RRP12: variants seen among roughly 807,000 people sequenced by gnomAD.
RRP12 encodes the protein RRP12-like protein.
A neutral mutation model predicts 157.3 loss-of-function variants in RRP12; 78 were observed. The observed-to-expected ratio is 0.50, with a 90% CI of 0.41 to 0.60. RRP12 has a LOEUF of 0.60. RRP12 is among the 20% of genes least tolerant of loss of function. The pLI is 0.00. For synonymous variants in RRP12, 726 were observed against 670.9 expected, an observed-to-expected ratio of 1.08 and a Z score of -1.27; for missense variants, 1,521 against 1,679.9, an observed-to-expected ratio of 0.91 and a Z score of 1.65.
rs1844147298 is a variant in RRP12, at chr10:97,371,287, C to T, written c.2344-206G>A. The stretch of plus-strand genomic sequence containing the variant: ...TGGGGGTGTGTGCCGTGGGGCCCAC[C>T]AATCCACTCCACTCACCCAGCTCTG... On this transcript the variant is annotated intron_variant, in intron 20 of 33. Transcript: ENST00000370992. 4.9e-6 allele frequency: 3 copies of T among 607,870 alleles called. No homozygotes were observed. The African/African-American group carries it at 5.6e-5, about 11-fold the overall frequency. The allele number at this position is 607,870 out of a possible 1,614,324, so 37.7% of individuals were successfully genotyped here.
At chr10:97,360,518 TC>T in intron 31 of RRP12, 27 bp downstream of exon 31, 1 of 1,563,606 alleles carries the variant, frequency 6.4e-7, no homozygotes, top group Non-Finnish European at 8.8e-7. Flanking sequence ...GATCCATGTG[TC>T]CCAGGAGAGA....
Position 97,371,007 on chromosome 10 carries a change from C to A in RRP12, c.2418G>T (p.Gly806=). ...CCAGGTGGCTCTGCACGAAGAGGGC[C>A]CCGGGGCCCTGAGGACTGGCACACA... The part of the protein sequence containing the change: ...EEVCASPQGP[G]ALFVQSHLED... The change falls in exon 21 of 34, where the codon GGG becomes GGT. Residue 806 remains glycine (G), a synonymous_variant. Transcript: ENST00000370992. 1.9e-6 allele frequency: 3 copies of A among 1,613,958 alleles called. No individual in the cohort carries two copies. Among genetic ancestry groups the A allele is most frequent in the Non-Finnish European group, 2.5e-6 (3 of 1,179,978 alleles).
intron 19 of RRP12, among the ~76,000 whole-genome samples, 188 bp downstream of exon 19, chr10:97,372,548 C>T (rs1224131930): frequency 1.3e-5 from 2 of 152,172 alleles, no homozygotes; most frequent in African/African-American, 4.8e-5. Flanking sequence ...CTTGTTCCTC[C>T]CTACCAGACT....
At chr10:97,398,353 CTT>C (rs58136206) in intron 2 of RRP12, among the ~76,000 whole-genome samples, 7 of 57,506 alleles carry the variant, frequency 1.2e-4, no homozygotes, top group East Asian at 4.0e-4. Context: ...CGCGCCCGGC[CTT>C]TTTTTTTTTT....
rs781216463 is a variant in RRP12, at chr10:97,357,207, A to C, written c.3792-11T>G. The C allele has an allele frequency of 3.0e-4, 461 of 1,549,856 alleles. No homozygotes were observed. The highest frequency in any genetic ancestry group is 3.9e-4 in the Non-Finnish European group (438 of 1,125,812). ...AGCTTCATCTTCTTCCTGCAGGGCC[A>C]AGGAACGGAAGGGTCACATCTGGCT... On this transcript the variant is annotated splice_polypyrimidine_tract_variant and intron_variant, in intron 33 of 33. Coordinates refer to ENST00000370992, the MANE Select transcript of RRP12 (RefSeq NM_015179.4).
At chr10:97,390,577 C>G (rs760040414) in intron 5 of RRP12, 38 bp from the exon 6 acceptor site, 1 of 1,534,474 alleles carries the variant, frequency 6.5e-7, no homozygotes, top group Admixed American at 1.7e-5. Context: ...CCACCAGCCT[C>G]GGCCAGGAGG....
chr10:97,399,526 CA>C (rs1318583358), intron 2 of RRP12, among the ~76,000 whole-genome samples: 1 of 151,298 alleles, frequency 6.6e-6, no homozygotes, highest in East Asian at 1.9e-4. Context: ...ATTTCAATAA[CA>C]AAAAATATAT....
intron 15 of RRP12, among the ~76,000 whole-genome samples, chr10:97,375,901 C>T (rs567959598): frequency 5.1e-4 from 77 of 152,172 alleles, no homozygotes; most frequent in African/African-American, 1.8e-3. Flanking sequence ...GTCAGGAGTC[C>T]GAGACCTGCC....
chr10:97,393,499 A>ATC, intron 4 of RRP12, 185 bp downstream of exon 4: 1 of 688,356 alleles, frequency 1.5e-6, no homozygotes, highest in Non-Finnish European at 2.6e-6. Context: ...TAGTTTAGTT[A>ATC]GAGTTTCTCA....
intron 31 of RRP12, 68 bp downstream of exon 31, chr10:97,360,478 G>A (rs1253358375): frequency 2.3e-6 from 3 of 1,320,038 alleles, no homozygotes; most frequent in Non-Finnish European, 3.3e-6. Flanking sequence ...ACCCCTTCCT[G>A]TGACTCCCCT....
chr10:97,362,001 G>T (rs1843855446), intron 30 of RRP12, among the ~76,000 whole-genome samples: 1 of 151,918 alleles, frequency 6.6e-6, no homozygotes, highest in South Asian at 2.1e-4. Flanking sequence ...CAGCTACTCA[G>T]GAGGCTGAGG....
intron 4 of RRP12, 132 bp from the exon 5 acceptor site, chr10:97,390,976 C>A: frequency 3.0e-6 from 2 of 675,462 alleles, no homozygotes; most frequent in Non-Finnish European, 5.4e-6. Flanking sequence ...GCAACAAAGT[C>A]AGAATAGGCA....
At position 97,378,292 on chromosome 10, in the gene RRP12, T is replaced by C. The variant is rs879649566; in HGVS notation, c.1798+1001A>G. Among the ~76,000 whole-genome samples, 3 of 152,122 alleles carry C rather than the reference T, an allele frequency of 2.0e-5. No individual in the cohort carries two copies. The East Asian group carries it at 5.8e-4, about 29-fold the overall frequency. On this transcript the variant is annotated intron_variant, in intron 15 of 33. Transcript: ENST00000370992. ...AGGTGATTTTATTGTGTGAGCAGCA[T>C]AGAGTGTATTTACAAAAACCTAGAT...
At chr10:97,395,205 T>TACAC (rs1377215101) in intron 3 of RRP12, among the ~76,000 whole-genome samples, 139 of 105,204 alleles carry the variant, frequency 1.3e-3, no homozygotes, top group African/African-American at 5.8e-3. Context: ...TATATACACA[T>TACAC]ATACACACAC....
At chr10:97,400,278 T>C in intron 2 of RRP12, 27 bp downstream of exon 2, 1 of 1,572,252 alleles carries the variant, frequency 6.4e-7, no homozygotes. Flanking sequence ...CTCACTATCC[T>C]ATGGCCCTCC....
intron 15 of RRP12, among the ~76,000 whole-genome samples, chr10:97,378,128 G>T (rs567033654): frequency 6.6e-6 from 1 of 152,166 alleles, no homozygotes; most frequent in Non-Finnish European, 1.5e-5. Flanking sequence ...AAGAAACTAT[G>T]CCTGAAAGGA....
chr10:97,399,227 C>T (rs1017315538), intron 2 of RRP12, among the ~76,000 whole-genome samples: 35 of 152,096 alleles, frequency 2.3e-4, no homozygotes, highest in African/African-American at 7.2e-4. Context: ...GAGCCGAGAT[C>T]GTGCCATTGC....
intron 31 of RRP12, 131 bp downstream of exon 31, chr10:97,360,415 C>T (rs1843811264): frequency 1.4e-6 from 1 of 725,496 alleles, no homozygotes; most frequent in Non-Finnish European, 2.5e-6. Context: ...ATCAGCCAAC[C>T]TCTGTTGGTG....
intron 2 of RRP12, among the ~76,000 whole-genome samples, chr10:97,398,039 A>ATATAT (rs1436494245): frequency 4.1e-4 from 23 of 56,024 alleles, no homozygotes; most frequent in Non-Finnish European, 5.7e-4. Flanking sequence ...ATATATACGT[A>ATATAT]TTTTTTTTTT....
Sources: allele counts gnomAD v4.1 joint callset (sites outside exome capture counted in the v4.1 genomes callset), GRCh38; gene constraint gnomAD v4.1.1; transcripts MANE v1.5; gene names NCBI Gene and HGNC (gene_info 2026-07-23, HGNC 2026-07-21).